Variants in TNFAIP8L3 observed in about 807,000 individuals in gnomAD.
The protein encoded by TNFAIP8L3 is TNF alpha induced protein 8 like 3, also known as tumor necrosis factor alpha-induced protein 8-like protein 3.
A neutral mutation model predicts 11.8 loss-of-function variants in TNFAIP8L3; 7 were observed. The observed-to-expected ratio is 0.59, with a 90% CI of 0.34 to 1.11. The LOEUF is 1.11. TNFAIP8L3 is among the 50% of genes most tolerant of loss of function. The pLI is 0.03. For missense variants in TNFAIP8L3, 219 were observed against 258.6 expected (o/e 0.85, Z 1.05); for synonymous variants, 98 against 103.8 (o/e 0.94, Z 0.34).
intron 1 of TNFAIP8L3, among the ~76,000 whole-genome samples, chr15:51,085,359 G>A (rs2065420171): frequency 1.3e-5 from 2 of 152,144 alleles, no homozygotes; most frequent in Admixed American, 6.5e-5. Flanking sequence ...AAAAAAAAAT[G>A]CATTAATCTT....
At chr15:51,096,891 C>CAAAAAAAAAAAAA (rs56057102), upstream of TNFAIP8L3, among the ~76,000 whole-genome samples, 3 of 98,274 alleles carry the variant, frequency 3.1e-5, no homozygotes, top group East Asian at 2.8e-4. Flanking sequence ...CACGCTGTCT[C>CAAAAAAAAAAAAA]AAAAAAAAAA....
chr15:51,065,148 C>T (rs186819795), intron 1 of TNFAIP8L3, among the ~76,000 whole-genome samples: 4 of 152,304 alleles, frequency 2.6e-5, no homozygotes, highest in Non-Finnish European at 5.9e-5. Context: ...GGTAGAAAGA[C>T]AGGGGGCTTC....
At chr15:51,066,313 C>T (rs576617683) in intron 1 of TNFAIP8L3, among the ~76,000 whole-genome samples, 4 of 152,194 alleles carry the variant, frequency 2.6e-5, no homozygotes, top group Admixed American at 2.6e-4. Flanking sequence ...CAGGTACACA[C>T]CACCATGCCT....
intron 1 of TNFAIP8L3, among the ~76,000 whole-genome samples, chr15:51,089,758 A>G (rs2065454155): frequency 1.3e-5 from 2 of 152,234 alleles, no homozygotes; most frequent in Admixed American, 1.3e-4. Flanking sequence ...TATGTCCATA[A>G]AATCCCAGGA....
intron 1 of TNFAIP8L3, among the ~76,000 whole-genome samples, chr15:51,091,716 ACG>A (rs1491417150): frequency 6.8e-6 from 1 of 147,368 alleles, no homozygotes; most frequent in Non-Finnish European, 1.5e-5. Flanking sequence ...ACACACACAC[ACG>A]TGCACACACC....
At chr15:51,096,232 C>A (rs2065512839), upstream of TNFAIP8L3, among the ~76,000 whole-genome samples, 1 of 152,146 alleles carries the variant, frequency 6.6e-6, no homozygotes, top group South Asian at 2.1e-4. Flanking sequence ...AGGCTGCCGT[C>A]TTTAGTGAAG....
rs1452005616 is a variant in TNFAIP8L3 at position 51,058,126 on chromosome 15, C to T, written c.370G>A (p.Glu124Lys). Reference protein sequence around the residue: ...QTAMTIVSFYEVEYTFDRNVL... With the variant: ...QTAMTIVSFYKVEYTFDRNVL... Reference sequence around the variant, plus strand: ...TTCCTATCGAAGGTGTATTCCACCTCATAGAAGCTGACAATGGTCATGGCG... The same window carrying T: ...TTCCTATCGAAGGTGTATTCCACCTTATAGAAGCTGACAATGGTCATGGCG... The change falls in exon 2 of 2, where the codon GAG (glutamate) becomes AAG (lysine). Residue 124 changes from glutamate (E) to lysine (K), a missense_variant. Coordinates refer to ENST00000637513, the MANE Select transcript of TNFAIP8L3 (RefSeq NM_001311175.2). The T allele has an allele frequency of 1.2e-6, 2 of 1,614,126 alleles. No homozygotes were observed. Among genetic ancestry groups the T allele is most frequent in the Admixed American group, 1.7e-5 (1 of 60,004 alleles).
intron 1 of TNFAIP8L3, among the ~76,000 whole-genome samples, chr15:51,061,476 G>A (rs1040895248): frequency 3.9e-5 from 6 of 152,158 alleles, no homozygotes; most frequent in Non-Finnish European, 7.3e-5. Flanking sequence ...CCAATGTAAC[G>A]TAAGTACCGT....
chr15:51,059,968 AC>A (rs2065232333), intron 1 of TNFAIP8L3, among the ~76,000 whole-genome samples: 1 of 152,204 alleles, frequency 6.6e-6, no homozygotes, highest in Non-Finnish European at 1.5e-5. Flanking sequence ...AAAGTCTGAG[AC>A]CATAGAATCT....
chr15:51,067,763 A>T (rs1469688571), intron 1 of TNFAIP8L3, among the ~76,000 whole-genome samples: 1 of 152,248 alleles, frequency 6.6e-6, no homozygotes, highest in Non-Finnish European at 1.5e-5. Context: ...CTTGCAAAAT[A>T]GCCCAGTGAT....
At position 51,057,789 on chromosome 15, in the gene TNFAIP8L3, C is replaced by T; in HGVS notation, c.*92G>A. 8.9e-7 allele frequency: 1 copy of T among 1,118,884 alleles called. No individual in the cohort carries two copies. The highest frequency in any genetic ancestry group is 1.6e-5 in the South Asian group (1 of 62,608). 69.3% of individuals were successfully genotyped at this position (1,118,884 alleles called of 1,614,324 possible). On this transcript the variant is annotated 3_prime_UTR_variant, in exon 2 of 2. Coordinates refer to ENST00000637513, the MANE Select transcript of TNFAIP8L3 (RefSeq NM_001311175.2). ...CAGGAAAGAACATGGACATCTTTGA[C>T]AAGGGTTTCTGCTTATGTTCTTGAT... is the stretch of plus-strand genomic sequence containing the variant.
upstream of TNFAIP8L3, among the ~76,000 whole-genome samples, chr15:51,097,862 GA>G (rs67230213): frequency 5.0e-4 from 76 of 151,908 alleles, 1 homozygote; most frequent in African/African-American, 1.6e-3. Flanking sequence ...TGTGGGGGGG[GA>G]AAAACTCTTA....
intron 1 of TNFAIP8L3, among the ~76,000 whole-genome samples, chr15:51,101,800 G>A (rs1225308896): frequency 6.6e-6 from 1 of 151,152 alleles, no homozygotes; most frequent in African/African-American, 2.4e-5. Flanking sequence ...CAAAAAATTA[G>A]CGAGGCGTGA....
At chr15:51,075,155 T>G (rs545908455) in intron 1 of TNFAIP8L3, among the ~76,000 whole-genome samples, 1 of 152,240 alleles carries the variant, frequency 6.6e-6, no homozygotes, top group African/African-American at 2.4e-5. Context: ...GACCCACACC[T>G]GGAAGGAGGT....
chr15:51,084,876 G>A (rs187218401), intron 1 of TNFAIP8L3, among the ~76,000 whole-genome samples: 2 of 152,250 alleles, frequency 1.3e-5, no homozygotes, highest in East Asian at 3.9e-4. Flanking sequence ...AAAGTATTTT[G>A]TCAGAAAAAA....
intron 1 of TNFAIP8L3, among the ~76,000 whole-genome samples, chr15:51,085,105 T>C (rs2065418059): frequency 6.6e-6 from 1 of 152,178 alleles, no homozygotes; most frequent in Non-Finnish European, 1.5e-5. Flanking sequence ...TCTGCCTGCG[T>C]TGTTTGACTC....
intron 1 of TNFAIP8L3, among the ~76,000 whole-genome samples, chr15:51,078,718 G>T (rs1239486845): frequency 2.6e-5 from 4 of 151,728 alleles, no homozygotes; most frequent in Non-Finnish European, 5.9e-5. Context: ...TCCTCTCCTT[G>T]TATGATACGT....
chr15:51,088,188 G>T (rs969279378), intron 1 of TNFAIP8L3, among the ~76,000 whole-genome samples: 1 of 151,800 alleles, frequency 6.6e-6, no homozygotes, highest in African/African-American at 2.4e-5. Flanking sequence ...GGGAGCCAAG[G>T]GTAATGCTGA....
rs1335760456 is a variant in TNFAIP8L3, at chr15:51,081,733, T to C, written c.52+12811A>G. On this transcript the variant is annotated intron_variant, in intron 1 of 1. Coordinates refer to ENST00000637513, the MANE Select transcript of TNFAIP8L3 (RefSeq NM_001311175.2). Reference sequence around the variant, plus strand: ...GGCCTCCTCATCCATTCCCTGAGTCTCGGCACATCACTGACCTCCCTCCCA... The same window carrying C: ...GGCCTCCTCATCCATTCCCTGAGTCCCGGCACATCACTGACCTCCCTCCCA... Among the ~76,000 whole-genome samples, 4 of 152,218 alleles carry C rather than the reference T, an allele frequency of 2.6e-5. No individual in the cohort carries two copies. In the East Asian group the frequency reaches 5.8e-4, roughly 22 times the overall value.
Sources: allele counts gnomAD v4.1 joint callset (sites outside exome capture counted in the v4.1 genomes callset), GRCh38; gene constraint gnomAD v4.1.1; transcripts MANE v1.5; gene names NCBI Gene and HGNC (gene_info 2026-07-23, HGNC 2026-07-21).